The following NOP58 variants were observed in gnomAD, a reference collection of about 807,000 sequenced individuals.
NOP58 encodes the protein nucleolar protein 58.
NOP58 carries 44 observed loss-of-function variants against 71.2 expected under a neutral mutation model. The ratio of observed to expected loss-of-function variants is 0.62; its 90% confidence interval spans 0.49 to 0.79. NOP58 has a LOEUF of 0.79. Among genes scored for constraint, NOP58 ranks in the 30% least tolerant of loss-of-function variants. NOP58 has a pLI of 0.00. For missense variants in NOP58, 538 were observed against 620.2 expected, an observed-to-expected ratio of 0.87 and a Z score of 1.41; for synonymous variants, 228 against 200.3, an observed-to-expected ratio of 1.14 and a Z score of -1.17.
chr2:202,282,397 A>G lies in NOP58; in HGVS notation c.222A>G (p.Lys74=). The G allele has an allele frequency of 1.2e-6, 2 of 1,613,478 alleles. No individual in the cohort carries two copies. The highest frequency in any genetic ancestry group is 1.7e-6 in the Non-Finnish European group (2 of 1,179,834). Residue 74 remains lysine, a synonymous_variant, in exon 4 of 15, where the codon AAA becomes AAG. Transcript: ENST00000264279. ...MEGKINKQLK[K]VLKKIVKEAH... is the part of the protein sequence containing the mutation. The stretch of plus-strand genomic sequence containing the variant: ...GCAAAATCAATAAGCAGCTGAAAAA[A>G]GTTCTGAAGAAAATAGTAAAAGAAG...
At chr2:202,296,835 G>A (rs1364751449) in intron 10 of NOP58, among the ~76,000 whole-genome samples, 2 of 151,942 alleles carry the variant, frequency 1.3e-5, no homozygotes, top group Non-Finnish European at 1.5e-5. Flanking sequence ...CCAGGTTCAC[G>A]CCATTCTCCT....
intron 6 of NOP58, among the ~76,000 whole-genome samples, chr2:202,289,703 A>G (rs1009620376): frequency 3.3e-5 from 5 of 152,178 alleles, no homozygotes; most frequent in African/African-American, 1.2e-4. Context: ...TGAAATAGTC[A>G]CAAAATACTG....
chr2:202,288,441 C>G (rs1302333685), intron 6 of NOP58, among the ~76,000 whole-genome samples: 7 of 146,586 alleles, frequency 4.8e-5, no homozygotes, highest in Non-Finnish European at 3.0e-5. Context: ...TTGATCGTGC[C>G]ATTGCACTCC....
intron 6 of NOP58, among the ~76,000 whole-genome samples, chr2:202,289,977 C>G (rs1394277459): frequency 6.6e-6 from 1 of 151,710 alleles, no homozygotes; most frequent in Admixed American, 6.6e-5. Flanking sequence ...TTTTTTGCGA[C>G]GGAATCTTGC....
At chr2:202,276,555 T>C in intron 2 of NOP58, 1 of 473,242 alleles carries the variant, frequency 2.1e-6, no homozygotes, top group Non-Finnish European at 4.3e-6. Flanking sequence ...AATACTACCC[T>C]GAGGCTGGGC....
chr2:202,303,613 C>G lies in NOP58; in HGVS notation c.*177C>G. ...ATCAACTCTGTTAACCTTATGTCAT[C>G]ATTTCTTAGAGTCTTTGATATACAA... On this transcript the variant is annotated 3_prime_UTR_variant, in exon 15 of 15. Coordinates refer to ENST00000264279, the MANE Select transcript of NOP58 (RefSeq NM_015934.5). 1 of 682,196 alleles carries G rather than the reference C, an allele frequency of 1.5e-6. No individual in the cohort carries two copies. Among genetic ancestry groups the G allele is most frequent in the Non-Finnish European group, 2.2e-6 (1 of 455,490 alleles). The allele number at this position is 682,196 out of a possible 1,614,324, so 42.3% of individuals were successfully genotyped here. A position where few individuals can be genotyped will look rare whatever the true frequency, so the allele number is the denominator to read the frequency against.
intron 5 of NOP58, among the ~76,000 whole-genome samples, chr2:202,285,011 GTC>G (rs1380122308): frequency 3.3e-5 from 5 of 151,954 alleles, no homozygotes; most frequent in Non-Finnish European, 7.4e-5. Context: ...CAAGAAATAT[GTC>G]TCTCTCTGTG....
At chr2:202,283,264 C>T (rs1688735183) in intron 4 of NOP58, among the ~76,000 whole-genome samples, 1 of 152,040 alleles carries the variant, frequency 6.6e-6, no homozygotes, top group Admixed American at 6.6e-5. Context: ...GAGTCTCACT[C>T]TGTTGCCCTG....
At chr2:202,283,865 G>A (rs549186421) in intron 4 of NOP58, among the ~76,000 whole-genome samples, 1 of 152,276 alleles carries the variant, frequency 6.6e-6, no homozygotes, top group South Asian at 2.1e-4. Context: ...TCTTCTGGAA[G>A]CTTGTATCAG....
intron 13 of NOP58, among the ~76,000 whole-genome samples, chr2:202,301,026 AATTT>A (rs1219481831): frequency 1.3e-5 from 2 of 152,200 alleles, no homozygotes; most frequent in Admixed American, 6.5e-5. Flanking sequence ...GAAAACAAAC[AATTT>A]ATTTAACTTT....
At chr2:202,268,213 C>T (rs536311960) in intron 1 of NOP58, among the ~76,000 whole-genome samples, 253 of 152,162 alleles carry the variant, frequency 1.7e-3, no homozygotes, top group African/African-American at 5.6e-3. Flanking sequence ...TTTCCTTTCC[C>T]ATAATCTTTC....
intron 1 of NOP58, among the ~76,000 whole-genome samples, chr2:202,268,758 T>A (rs1255366734): frequency 6.7e-6 from 1 of 150,358 alleles, no homozygotes; most frequent in Non-Finnish European, 1.5e-5. Context: ...ATTACCAGCA[T>A]GCACCACCAC....
At chr2:202,289,006 G>A (rs1327692530) in intron 6 of NOP58, among the ~76,000 whole-genome samples, 1 of 151,894 alleles carries the variant, frequency 6.6e-6, no homozygotes, top group African/African-American at 2.4e-5. Context: ...TATAGTCCCA[G>A]CCACTTAGGA....
rs1452442734 is a variant in NOP58, at chr2:202,303,626, C to G, written c.*190C>G. 3.7e-6 allele frequency: 2 copies of G among 542,860 alleles called. No homozygotes were observed. The highest frequency in any genetic ancestry group is 5.8e-6 in the Non-Finnish European group (2 of 345,692). 33.6% of individuals were successfully genotyped at this position (542,860 alleles called of 1,614,324 possible). A position where few individuals can be genotyped will look rare whatever the true frequency, so the allele number is the denominator to read the frequency against. On this transcript the variant is annotated 3_prime_UTR_variant, in exon 15 of 15. Coordinates refer to ENST00000264279, the MANE Select transcript of NOP58 (RefSeq NM_015934.5). ...ACCTTATGTCATCATTTCTTAGAGT[C>G]TTTGATATACAAATAAAATTTTCTT...
chr2:202,273,042 G>T (rs951917690), intron 1 of NOP58, among the ~76,000 whole-genome samples: 1 of 152,110 alleles, frequency 6.6e-6, no homozygotes, highest in East Asian at 1.9e-4. Context: ...GGAGAATGAC[G>T]TGAACCCAGG....
intron 1 of NOP58, among the ~76,000 whole-genome samples, chr2:202,268,591 GGAAGTTTTTT>G (rs1276893709): frequency 6.6e-6 from 1 of 151,436 alleles, no homozygotes; most frequent in African/African-American, 2.4e-5. Flanking sequence ...GAATGCTTTA[GGAAGTTTTTT>G]GAAGTTTTTT....
chr2:202,276,437 G>T (rs1453132819), intron 2 of NOP58: 2 of 510,504 alleles, frequency 3.9e-6, no homozygotes, highest in Admixed American at 2.0e-5. Flanking sequence ...CTGATTCGTT[G>T]TTGTCAATGA....
At chr2:202,300,171 T>C in intron 12 of NOP58, 63 bp from the exon 13 acceptor site, 1 of 1,374,908 alleles carries the variant, frequency 7.3e-7, no homozygotes, top group South Asian at 1.3e-5. Context: ...TCTTTATCTC[T>C]TGAGAATTAT....
chr2:202,269,222 A>T (rs543266934), intron 1 of NOP58, among the ~76,000 whole-genome samples: 4 of 150,280 alleles, frequency 2.7e-5, no homozygotes, highest in African/African-American at 9.8e-5. Context: ...CCCAGGCTGG[A>T]GTGCAGTGGT....
Sources: gnomAD v4.1 joint callset for allele counts (sites outside exome capture counted in the v4.1 genomes callset) on GRCh38, gnomAD v4.1.1 for gene constraint, MANE v1.5 for transcripts, NCBI Gene and HGNC (gene_info 2026-07-23, HGNC 2026-07-21) for gene names.